MYCBP2: variants seen among roughly 807,000 people sequenced by gnomAD.
MYCBP2 encodes the protein E3 ubiquitin-protein ligase MYCBP2.
In MYCBP2, 120 loss-of-function variants were observed where a neutral mutation model predicts 525.3. The observed-to-expected ratio is 0.23, with a 90% CI of 0.20 to 0.27. MYCBP2 has a LOEUF of 0.27. Ranked by LOEUF, MYCBP2 falls within the 10% of genes least tolerant of loss-of-function variation. The pLI is 1.00. For synonymous variants in MYCBP2, 1,894 were observed against 1,955.8 expected (o/e 0.97, Z 0.83); for missense variants, 4,149 against 5,657.1 (o/e 0.73, Z 8.55).
intron 82 of MYCBP2, among the ~76,000 whole-genome samples, chr13:77,049,867 C>T (rs1190288107): frequency 6.6e-6 from 1 of 152,158 alleles, no homozygotes; most frequent in Non-Finnish European, 1.5e-5. Flanking sequence ...TACTCCTGAC[C>T]TCAAGTGATC....
chr13:77,164,373 A>C, intron 43 of MYCBP2, 81 bp downstream of exon 43: 1 of 847,110 alleles, frequency 1.2e-6, no homozygotes, highest in Non-Finnish European at 1.9e-6. Context: ...TCATTTTGCA[A>C]ATCTATTTTT....
chr13:77,095,407 C>T lies in MYCBP2; in HGVS notation c.10150G>A (p.Glu3384Lys), dbSNP rs2154125539. ...QLPSVKEGIS[E>K]DLPVKMPCLY... ...CAAGGCATTTTCACAGGAAGATCCT[C>T]AGAAATGCCTTCTTTTACACTGGGC... The change falls in exon 58 of 83, where the codon GAG becomes AAG. Residue 3384 changes from glutamate to lysine, a missense_variant. By Grantham distance (56) the Glu-to-Lys change is moderately conservative. Transcript: ENST00000544440. 19 of 1,613,416 alleles carry T rather than the reference C, an allele frequency of 1.2e-5. No individual in the cohort carries two copies. Among genetic ancestry groups the T allele is most frequent in the Non-Finnish European group, 1.5e-5 (18 of 1,179,660 alleles).
At chr13:77,211,884 G>C (rs2064062540) in intron 22 of MYCBP2, 72 bp downstream of exon 22, 1 of 1,215,918 alleles carries the variant, frequency 8.2e-7, no homozygotes, top group African/African-American at 1.5e-5. Context: ...TTTCATTAAA[G>C]GGAAAGATAA....
At position 77,112,289 on chromosome 13, in the gene MYCBP2, T is replaced by TTA. The variant is rs536986337; in HGVS notation, c.8140+9082_8140+9083dup. Reference sequence around the variant, plus strand: ...TGGACTGTATCCCCTCTTCTTTATATTATATATATATAAAATATATATTTT... The same window carrying TTA: ...TGGACTGTATCCCCTCTTCTTTATATTATATATATATATAAAATATATATTTT... On this transcript the variant is annotated intron_variant, in intron 55 of 82. Coordinates refer to ENST00000544440, the MANE Select transcript of MYCBP2 (RefSeq NM_015057.5). Among the ~76,000 whole-genome samples the TTA allele has an allele frequency of 9.3e-3, 1,365 of 146,810 alleles. 22 individuals carry two copies. The highest frequency in any genetic ancestry group is 0.031 in the African/African-American group (1,266 of 40,524).
rs2154077102 is a variant in MYCBP2, at chr13:77,064,782, C to T, written c.12553-48G>A. On this transcript the variant is annotated intron_variant, in intron 72 of 82. Transcript: ENST00000544440. ...TTAATAAGTGACCAGAAATGTATTA[C>T]CATAGTAAACTCTTTTTTCTTAAAT... 2 of 1,489,672 alleles carry T rather than the reference C, an allele frequency of 1.3e-6. 1 individual carries two copies. The highest frequency in any genetic ancestry group is 3.0e-5 in the South Asian group (2 of 67,588). 92.3% of individuals were successfully genotyped at this position (1,489,672 alleles called of 1,614,324 possible).
intron 1 of MYCBP2, among the ~76,000 whole-genome samples, chr13:77,311,555 G>GT (rs1413537383): frequency 1.3e-4 from 18 of 142,150 alleles, no homozygotes; most frequent in Non-Finnish European, 1.8e-4. Flanking sequence ...GGAAAGAGAA[G>GT]TTTTTTTTTG....
rs1167493668 is a variant in MYCBP2 at position 77,139,960 on chromosome 13, C to CA, written c.7518+86dup. On this transcript the variant is annotated intron_variant, in intron 51 of 82. Transcript: ENST00000544440. ...CCAAACTGCTTAAAACATATTCTGA[C>CA]AAAAAACTCAGTAACCTTATTATTA... 2.1e-5 allele frequency: 17 copies of CA among 792,262 alleles called. No individual in the cohort carries two copies. In the African/African-American group the frequency reaches 2.4e-4, roughly 11 times the overall value. 49.1% of individuals were successfully genotyped at this position (792,262 alleles called of 1,614,324 possible).
At chr13:77,309,204 G>GA (rs1318086584) in intron 1 of MYCBP2, among the ~76,000 whole-genome samples, 1 of 152,114 alleles carries the variant, frequency 6.6e-6, no homozygotes, top group African/African-American at 2.4e-5. Context: ...CCTGCCTCCT[G>GA]AAAAAAGGAG....
Position 77,189,019 on chromosome 13 carries a change from T to C in MYCBP2, c.4183A>G (p.Lys1395Glu), listed in dbSNP as rs149828151. The C allele has an allele frequency of 5.0e-6, 8 of 1,611,156 alleles. No homozygotes were observed. Among genetic ancestry groups the C allele is most frequent in the African/African-American group, 2.7e-5 (2 of 74,704 alleles). The part of the protein sequence containing the change: ...RLPTSDGSAS[K>E]GKQQTSEPVH... ...GGTTCACTGGTTTGCTGTTTGCCTT[T>C]TGAAGCACTGCCATCACTGGTTGGA... The change falls in exon 30 of 83, where the codon AAA (lysine) becomes GAA (glutamate). Residue 1395 changes from lysine to glutamate, a missense_variant. Coordinates refer to ENST00000544440, the MANE Select transcript of MYCBP2 (RefSeq NM_015057.5).
intron 29 of MYCBP2, 118 bp downstream of exon 29, chr13:77,190,131 ATAT>A: frequency 7.6e-6 from 4 of 529,012 alleles, no homozygotes; most frequent in Non-Finnish European, 1.3e-5. Flanking sequence ...TTCTACCAGC[ATAT>A]TATAATTTGC....
At chr13:77,312,092 A>G (rs1013847028) in intron 1 of MYCBP2, among the ~76,000 whole-genome samples, 1 of 152,148 alleles carries the variant, frequency 6.6e-6, no homozygotes, top group Non-Finnish European at 1.5e-5. Context: ...GCTAAATGGC[A>G]TCATTGAGGT....
Position 77,174,287 on chromosome 13 carries a change from C to T in MYCBP2, c.5651+24G>A, listed in dbSNP as rs147816670. The T allele has an allele frequency of 3.2e-4, 508 of 1,608,272 alleles. 2 individuals carry two copies. In the African/African-American group the frequency reaches 3.8e-3, roughly 12 times the overall value. On this transcript the variant is annotated intron_variant, in intron 37 of 82. Coordinates refer to ENST00000544440, the MANE Select transcript of MYCBP2 (RefSeq NM_015057.5). ...ATGTTCTACCACTGTAAAGTATTTC[C>T]GTTATCTCTATACATTCACCCACCT...
intron 18 of MYCBP2, among the ~76,000 whole-genome samples, chr13:77,230,586 T>A (rs1296766803): frequency 6.6e-6 from 1 of 152,222 alleles, no homozygotes; most frequent in South Asian, 2.1e-4. Context: ...TTCATTGATA[T>A]TTCATATACA....
At chr13:77,168,726 T>C in intron 39 of MYCBP2, 80 bp from the exon 40 acceptor site, 1 of 1,284,058 alleles carries the variant, frequency 7.8e-7, no homozygotes, top group Non-Finnish European at 1.1e-6. Context: ...TAATTGTTGG[T>C]TACTCTAATA....
intron 42 of MYCBP2, 48 bp from the exon 43 acceptor site, chr13:77,164,589 A>C: frequency 9.2e-7 from 1 of 1,084,990 alleles, no homozygotes; most frequent in Non-Finnish European, 1.4e-6. Context: ...TTGAATGATA[A>C]TACGGATTAT....
intron 53 of MYCBP2, 141 bp downstream of exon 53, chr13:77,126,173 TTATG>T (rs2051638388): frequency 1.6e-6 from 1 of 612,944 alleles, no homozygotes; most frequent in Non-Finnish European, 2.8e-6. Context: ...CACAGAAAAA[TTATG>T]TATTTGCAAT....
At chr13:77,170,485 T>C (rs867070861) in intron 38 of MYCBP2, among the ~76,000 whole-genome samples, 22 of 152,194 alleles carry the variant, frequency 1.4e-4, no homozygotes, top group African/African-American at 4.3e-4. Flanking sequence ...GGGATAAATC[T>C]AATAGTCTTT....
chr13:77,176,190 A>G (rs542221406), intron 36 of MYCBP2, among the ~76,000 whole-genome samples: 3 of 152,226 alleles, frequency 2.0e-5, no homozygotes, highest in African/African-American at 7.2e-5. Flanking sequence ...ATAAGTCTCA[A>G]AGTGGTTAAA....
rs1434974113 is a variant in MYCBP2, at chr13:77,189,028, T to C, written c.4174A>G (p.Ser1392Gly). 1 of 1,610,320 alleles carries C rather than the reference T, an allele frequency of 6.2e-7. No individual in the cohort carries two copies. ...LLYRLPTSDGSASKGKQQTSE... is the reference protein window; with the variant it reads ...LLYRLPTSDGGASKGKQQTSE... ...GTTTGCTGTTTGCCTTTTGAAGCAC[T>C]GCCATCACTGGTTGGAAGTCTAAAG... Residue 1392 changes from serine to glycine, a missense_variant, in exon 30 of 83, where the codon AGT becomes GGT. Ser to Gly is a moderately conservative substitution (Grantham distance 56). Transcript: ENST00000544440.
Sources: allele counts gnomAD v4.1 joint callset (sites outside exome capture counted in the v4.1 genomes callset), GRCh38; gene constraint gnomAD v4.1.1; transcripts MANE v1.5; gene names NCBI Gene and HGNC (gene_info 2026-07-23, HGNC 2026-07-21).